ANGPT4: variants seen among roughly 807,000 people sequenced by gnomAD.
The protein encoded by ANGPT4 is angiopoietin-4.
ANGPT4 carries 50 observed loss-of-function variants against 53.0 expected under a neutral mutation model. The observed-to-expected ratio is 0.94, with a 90% CI of 0.75 to 1.20. The LOEUF (loss-of-function observed/expected upper bound fraction) is 1.20, where lower values mean the gene tolerates loss of function less well. Among genes scored for constraint, ANGPT4 ranks in the 50% most tolerant of loss-of-function variants. The probability of loss-of-function intolerance (pLI) is 0.00; values close to 1 mark genes in which losing one functional copy is unlikely to be tolerated. For missense variants in ANGPT4, 648 were observed against 637.1 expected (o/e 1.02, Z -0.18); for synonymous variants, 251 against 259.7 (o/e 0.97, Z 0.32).
At chr20:898,726 AC>A (rs953508038) in intron 1 of ANGPT4, among the ~76,000 whole-genome samples, 1 of 152,004 alleles carries the variant, frequency 6.6e-6, no homozygotes, top group African/African-American at 2.4e-5. Context: ...TGTAAGAGAA[AC>A]CCCAGCCACA....
chr20:908,086 G>A lies in ANGPT4; in HGVS notation c.309+7820C>T, dbSNP rs1982548763. On this transcript the variant is annotated intron_variant, in intron 1 of 8. Transcript: ENST00000381922. This position sits in a 1 kb window ranked among gnomAD's most constrained non-coding sequence, Gnocchi z 4.9. The stretch of plus-strand genomic sequence containing the variant: ...TGGCTGAGGCTGATCCTGCAGATGG[G>A]GTGACAGGGATAAGATTAGGGTCAG... Among the ~76,000 whole-genome samples, 1 of 152,114 alleles carries A rather than the reference G, an allele frequency of 6.6e-6. No individual in the cohort carries two copies. The highest frequency in any genetic ancestry group is 2.1e-4 in the South Asian group (1 of 4,810).
chr20:887,515 G>A (rs1336828661), intron 3 of ANGPT4, among the ~76,000 whole-genome samples: 1 of 152,120 alleles, frequency 6.6e-6, no homozygotes, highest in Non-Finnish European at 1.5e-5. Context: ...TGTTCAGTGG[G>A]TAGATTTTGC....
chr20:915,539 TC>T (rs1353113063), intron 1 of ANGPT4, among the ~76,000 whole-genome samples: 1 of 152,204 alleles, frequency 6.6e-6, no homozygotes, highest in Non-Finnish European at 1.5e-5. Context: ...TCTTTCTTCT[TC>T]ATTTTGCTTC....
chr20:873,145 C>T (rs750129221), intron 8 of ANGPT4, 25 bp from the exon 9 acceptor site: 1 of 1,610,364 alleles, frequency 6.2e-7, no homozygotes. Context: ...AGGACAGGCG[C>T]TTGGTGGAGG....
chr20:915,400 C>A (rs910010387), intron 1 of ANGPT4, among the ~76,000 whole-genome samples: 5 of 152,166 alleles, frequency 3.3e-5, no homozygotes, highest in Admixed American at 6.5e-5. Context: ...CTTTGCAGAA[C>A]GTTCCCTCAA....
chr20:911,089 C>G lies in ANGPT4; in HGVS notation c.309+4817G>C, dbSNP rs545022926. 1.4e-3 allele frequency among the ~76,000 whole-genome samples: 213 copies of G among 152,222 alleles called. No individual in the cohort carries two copies. The highest frequency in any genetic ancestry group is 5.0e-3 in the African/African-American group (208 of 41,542). ...GAAAATGCCAAGAATTTGTGGGCAG[C>G]CTGGGAAGGCTGGGGCAACTGGAAC... On this transcript the variant is annotated intron_variant, in intron 1 of 8. Coordinates refer to ENST00000381922, the MANE Select transcript of ANGPT4 (RefSeq NM_015985.4). The surrounding 1 kb of genome is among the most constrained non-coding windows in gnomAD (Gnocchi z 4.9).
At chr20:907,341 G>A (rs1014547081) in intron 1 of ANGPT4, among the ~76,000 whole-genome samples, 1 of 152,104 alleles carries the variant, frequency 6.6e-6, no homozygotes, top group Admixed American at 6.5e-5. Flanking sequence ...GGCGGAAAGG[G>A]CTGCAGAGGG....
At position 873,053 on chromosome 20, in the gene ANGPT4, C is replaced by T. The variant is rs752719930; in HGVS notation, c.1419G>A (p.Lys473=). The T allele has an allele frequency of 1.2e-6, 2 of 1,614,072 alleles. No homozygotes were observed. Among genetic ancestry groups the T allele is most frequent in the Admixed American group, 3.3e-5 (2 of 60,016 alleles). The part of the protein sequence containing the change: ...NGVYYHAPDN[K]YKMDGIRWHY... Reference sequence around the variant, plus strand: ...GCCAGCGGATGCCGTCCATCTTGTACTTGTTGTCGGGAGCGTGGTAGTAGA... The same window carrying T: ...GCCAGCGGATGCCGTCCATCTTGTATTTGTTGTCGGGAGCGTGGTAGTAGA... Residue 473 remains lysine, a synonymous_variant, in exon 9 of 9, where the codon AAG becomes AAA. Coordinates refer to ENST00000381922, the MANE Select transcript of ANGPT4 (RefSeq NM_015985.4).
intron 1 of ANGPT4, among the ~76,000 whole-genome samples, chr20:905,052 A>G (rs891547388): frequency 6.6e-6 from 1 of 152,042 alleles, no homozygotes; most frequent in African/African-American, 2.4e-5. Flanking sequence ...ATACGCATCC[A>G]CACCTCCCAA....
At chr20:902,858 C>T (rs1982339010) in intron 1 of ANGPT4, among the ~76,000 whole-genome samples, 1 of 152,172 alleles carries the variant, frequency 6.6e-6, no homozygotes, top group Admixed American at 6.5e-5. Context: ...AGGACTTTGC[C>T]TGCCTTCTGG....
chr20:885,810 A>C (rs780787290), intron 3 of ANGPT4, among the ~76,000 whole-genome samples: 2 of 152,224 alleles, frequency 1.3e-5, no homozygotes, highest in African/African-American at 2.4e-5. Flanking sequence ...TTTGCACAGA[A>C]TTGGAAAGAT....
At chr20:885,650 G>C (rs1189435835) in intron 3 of ANGPT4, among the ~76,000 whole-genome samples, 2 of 152,224 alleles carry the variant, frequency 1.3e-5, no homozygotes, top group Non-Finnish European at 2.9e-5. Flanking sequence ...GCATGGTCAA[G>C]AATGGCCCTG....
At chr20:876,423 A>G (rs1023801202) in intron 7 of ANGPT4, among the ~76,000 whole-genome samples, 2 of 152,136 alleles carry the variant, frequency 1.3e-5, no homozygotes, top group African/African-American at 4.8e-5. Context: ...GGCACTTACT[A>G]TGTCTGGGGA....
At position 892,308 on chromosome 20, in the gene ANGPT4, CAT is replaced by C. The variant is rs374854587; in HGVS notation, c.310-1942_310-1941del. Among the ~76,000 whole-genome samples the C allele has an allele frequency of 1.5e-3, 234 of 152,144 alleles. 5 individuals carry two copies. Among genetic ancestry groups the C allele is most frequent in the African/African-American group, 5.4e-3 (226 of 41,504 alleles). ...GTTACGTTTCACACATACAAAAAAGCATAGAGGCCAGGTGCGGTGGCTCACAC... is the reference window on the plus strand; with the variant it reads ...GTTACGTTTCACACATACAAAAAAGCAGAGGCCAGGTGCGGTGGCTCACAC... On this transcript the variant is annotated intron_variant, in intron 1 of 8. Transcript: ENST00000381922.
At chr20:892,537 G>A (rs533599207) in intron 1 of ANGPT4, among the ~76,000 whole-genome samples, 4 of 151,786 alleles carry the variant, frequency 2.6e-5, no homozygotes, top group Middle Eastern at 3.4e-3. Flanking sequence ...TGGAGGTTGC[G>A]GTGAGCTGAG....
At chr20:883,584 G>T (rs1981491074) in intron 4 of ANGPT4, among the ~76,000 whole-genome samples, 2 of 152,264 alleles carry the variant, frequency 1.3e-5, no homozygotes, top group African/African-American at 4.8e-5. Context: ...CCATCCAGAA[G>T]GGGGTGAAAG....
rs1981257053 is a variant in ANGPT4 at position 878,347 on chromosome 20, G to T, written c.1054-20C>A. 1.3e-6 allele frequency: 2 copies of T among 1,584,254 alleles called. No individual in the cohort carries two copies. Among genetic ancestry groups the T allele is most frequent in the Admixed American group, 1.7e-5 (1 of 59,378 alleles). On this transcript the variant is annotated intron_variant, in intron 6 of 8. Coordinates refer to ENST00000381922, the MANE Select transcript of ANGPT4 (RefSeq NM_015985.4). ...GAAGCCCTATAGGGAGGGGAGCGTG[G>T]GGTGAGACTCATGCTGAGGAGGAGG...
intron 7 of ANGPT4, 42 bp from the exon 8 acceptor site, chr20:874,456 G>A: frequency 1.9e-6 from 3 of 1,610,786 alleles, no homozygotes; most frequent in Non-Finnish European, 2.5e-6. Context: ...AGGGCCCAGA[G>A]TCAGGTTGGG....
At chr20:890,635 G>A (rs1426959466) in intron 1 of ANGPT4, among the ~76,000 whole-genome samples, 1 of 152,114 alleles carries the variant, frequency 6.6e-6, no homozygotes, top group Non-Finnish European at 1.5e-5. Flanking sequence ...CAGCCAGAGG[G>A]ATCCTGCTAA....
Sources: allele counts gnomAD v4.1 joint callset (sites outside exome capture counted in the v4.1 genomes callset), GRCh38; gene constraint gnomAD v4.1.1; non-coding constraint Gnocchi (gnomAD v3.1); transcripts MANE v1.5; gene names NCBI Gene and HGNC (gene_info 2026-07-23, HGNC 2026-07-21).